Variants in LAMB3 observed in about 807,000 individuals in gnomAD.
LAMB3 encodes laminin subunit beta 3.
Under a neutral mutation model 140.3 loss-of-function variants are expected in LAMB3, and 104 were observed. The observed-to-expected ratio is 0.74, with a 90% CI of 0.63 to 0.87. The LOEUF (loss-of-function observed/expected upper bound fraction) is 0.87, where lower values mean the gene tolerates loss of function less well. Among genes scored for constraint, LAMB3 ranks in the 40% least tolerant of loss-of-function variants. The pLI is 0.00. For synonymous variants in LAMB3, 592 were observed against 602.9 expected (o/e 0.98, Z 0.26); for missense variants, 1,531 against 1,575.2 (o/e 0.97, Z 0.47).
At chr1:209,650,699 G>C (rs149695673) in intron 2 of LAMB3, among the ~76,000 whole-genome samples, 1 of 152,208 alleles carries the variant, frequency 6.6e-6, no homozygotes, top group East Asian at 1.9e-4. Flanking sequence ...AGAATAAGAA[G>C]ACATTTGGGA....
chr1:209,642,252 AAT>A (rs917203454), intron 3 of LAMB3, among the ~76,000 whole-genome samples: 10 of 151,858 alleles, frequency 6.6e-5, no homozygotes, highest in African/African-American at 2.2e-4. Flanking sequence ...TGTGTGTGTG[AAT>A]ATATATATAT....
intron 5 of LAMB3, among the ~76,000 whole-genome samples, 177 bp downstream of exon 5, chr1:209,637,731 G>GCACTTTT: frequency 6.6e-6 from 1 of 152,286 alleles, no homozygotes; most frequent in Non-Finnish European, 1.5e-5. Context: ...CCAAGACAGG[G>GCACTTTT]AGCCAGGAGG....
chr1:209,634,372 T>C, intron 6 of LAMB3, 75 bp downstream of exon 6: 1 of 1,462,244 alleles, frequency 6.8e-7, no homozygotes, highest in African/African-American at 1.4e-5. Flanking sequence ...TTCTCAGGAG[T>C]CCGTGTGGCT....
At chr1:209,620,488 CA>C (rs1571801122) in intron 18 of LAMB3, among the ~76,000 whole-genome samples, 2 of 152,162 alleles carry the variant, frequency 1.3e-5, no homozygotes, top group South Asian at 2.1e-4. Context: ...AAAACATTCG[CA>C]AAGGCAAGAG....
intron 3 of LAMB3, among the ~76,000 whole-genome samples, chr1:209,641,903 CT>C (rs1177482952): frequency 6.6e-6 from 1 of 152,198 alleles, no homozygotes; most frequent in African/African-American, 2.4e-5. Context: ...CTCCCGTCCT[CT>C]GTCTGCACTC....
At chr1:209,627,710 T>C (rs569180642) in intron 11 of LAMB3, 131 bp from the exon 12 acceptor site, 1 of 884,778 alleles carries the variant, frequency 1.1e-6, no homozygotes, top group East Asian at 2.7e-5. Flanking sequence ...ATGACATGGC[T>C]GACTCACAGG....
At chr1:209,633,008 G>T (rs977824286) in intron 7 of LAMB3, 62 bp downstream of exon 7, 1 of 1,290,366 alleles carries the variant, frequency 7.7e-7, no homozygotes, top group Admixed American at 1.7e-5. Flanking sequence ...CATGACCTGG[G>T]CTCCAACTCT....
At chr1:209,645,351 C>G (rs1290799799) in intron 3 of LAMB3, among the ~76,000 whole-genome samples, 1 of 152,114 alleles carries the variant, frequency 6.6e-6, no homozygotes, top group African/African-American at 2.4e-5. Context: ...AATGCTTCAT[C>G]CAAAACAGTA....
chr1:209,624,505 T>C (rs1210439545), intron 14 of LAMB3, among the ~76,000 whole-genome samples: 4 of 152,216 alleles, frequency 2.6e-5, no homozygotes, highest in Non-Finnish European at 2.9e-5. Context: ...CCTCTCTCCC[T>C]GTGCCCTTTG....
intron 5 of LAMB3, 94 bp from the exon 6 acceptor site, chr1:209,634,732 G>A: frequency 9.4e-7 from 1 of 1,058,842 alleles, no homozygotes; most frequent in Non-Finnish European, 1.4e-6. Context: ...GTGAACTCGG[G>A]AGAAAGGGGG....
intron 18 of LAMB3, among the ~76,000 whole-genome samples, chr1:209,621,252 T>C (rs1223022333): frequency 6.6e-6 from 1 of 152,172 alleles, no homozygotes; most frequent in Non-Finnish European, 1.5e-5. Context: ...AAGAATCCCT[T>C]ATCCATGAGC....
At chr1:209,648,515 G>T (rs575439384) in intron 3 of LAMB3, among the ~76,000 whole-genome samples, 1,690 of 152,336 alleles carry the variant, frequency 0.011, 19 homozygotes, top group Non-Finnish European at 0.018. Flanking sequence ...GGTTGCAAAA[G>T]TCTAGACTCT....
At chr1:209,632,508 C>T in intron 8 of LAMB3, 75 bp downstream of exon 8, 2 of 1,192,822 alleles carry the variant, frequency 1.7e-6, no homozygotes, top group Non-Finnish European at 1.2e-6. Context: ...TCCTGCTTTA[C>T]AGGAGCCCCA....
intron 10 of LAMB3, 122 bp from the exon 11 acceptor site, chr1:209,628,312 T>C (rs1666553567): frequency 9.1e-7 from 1 of 1,103,046 alleles, no homozygotes; most frequent in South Asian, 1.3e-5. Flanking sequence ...ATTCACAGCC[T>C]TAGTCAAGTT....
At chr1:209,634,131 A>G (rs552440427) in intron 6 of LAMB3, among the ~76,000 whole-genome samples, 1 of 152,312 alleles carries the variant, frequency 6.6e-6, no homozygotes, top group Non-Finnish European at 1.5e-5. Context: ...CCTCATATCA[A>G]AGTAGGGTCG....
chr1:209,650,256 TA>T, intron 2 of LAMB3, 138 bp from the exon 3 acceptor site: 3 of 847,428 alleles, frequency 3.5e-6, no homozygotes, highest in Non-Finnish European at 5.8e-6. Flanking sequence ...CTGCTGGCAG[TA>T]ATAATTGCAG....
chr1:209,618,512 G>C lies in LAMB3; in HGVS notation c.2849C>G (p.Ser950Cys). The C allele has an allele frequency of 6.2e-7, 1 of 1,614,252 alleles. No homozygotes were observed. The highest frequency in any genetic ancestry group is 8.5e-7 in the Non-Finnish European group (1 of 1,180,052). Residue 950 changes from serine to cysteine, a missense_variant, in exon 19 of 23, where the codon TCC becomes TGC. Ser to Cys is a moderately radical substitution (Grantham distance 112). Transcript: ENST00000356082. ...ARLPNVDLVL[S>C]QTKQDIARAR... ...ACGCGCAATGTCCTGCTTGGTCTGG[G>C]ACAGCACCAAGTCCACGTTGGGGAG...
At chr1:209,637,430 T>G (rs1666929520) in intron 5 of LAMB3, among the ~76,000 whole-genome samples, 1 of 152,222 alleles carries the variant, frequency 6.6e-6, no homozygotes. Flanking sequence ...AAGGATGTTC[T>G]AAAGGCAGAA....
chr1:209,622,098 C>T (rs1246842574), intron 18 of LAMB3, among the ~76,000 whole-genome samples: 1 of 152,210 alleles, frequency 6.6e-6, no homozygotes, highest in African/African-American at 2.4e-5. Flanking sequence ...AGCAAATAAA[C>T]ATCCCTGAAG....
Sources: allele counts gnomAD v4.1 joint callset (sites outside exome capture counted in the v4.1 genomes callset), GRCh38; gene constraint gnomAD v4.1.1; transcripts MANE v1.5; gene names NCBI Gene and HGNC (gene_info 2026-07-23, HGNC 2026-07-21).